Variants in PRKN observed in about 807,000 individuals in gnomAD.
PRKN encodes the protein E3 ubiquitin-protein ligase parkin.
In PRKN, 56 loss-of-function variants were observed where a neutral mutation model predicts 59.5. The observed-to-expected ratio is 0.94, with a 90% confidence interval of 0.76 to 1.18. The LOEUF (loss-of-function observed/expected upper bound fraction) is 1.18, where lower values mean the gene tolerates loss of function less well. Among genes scored for constraint, PRKN ranks in the 50% most tolerant of loss-of-function variants. The pLI is 0.00. For synonymous variants in PRKN, 250 were observed against 222.1 expected (o/e 1.13, Z -1.12); for missense variants, 657 against 596.4 (o/e 1.10, Z -1.06).
At chr6:162,286,463 T>G (rs377139302) in intron 2 of PRKN, among the ~76,000 whole-genome samples, 2 of 152,206 alleles carry the variant, frequency 1.3e-5, no homozygotes, top group Admixed American at 1.3e-4. Context: ...CAACTCATTT[T>G]CATACTTTTA....
intron 1 of PRKN, among the ~76,000 whole-genome samples, chr6:162,682,465 A>G (rs1341380584): frequency 1.3e-5 from 2 of 152,204 alleles, no homozygotes; most frequent in African/African-American, 4.8e-5. Context: ...ACATGCATGC[A>G]GCTGGAGGCC....
chr6:161,939,953 C>T (rs1167794366), intron 6 of PRKN, among the ~76,000 whole-genome samples: 12 of 151,332 alleles, frequency 7.9e-5, no homozygotes, highest in Admixed American at 6.6e-4. Context: ...GGCTGGAGTG[C>T]GATGGCGCCA....
intron 6 of PRKN, among the ~76,000 whole-genome samples, chr6:161,942,385 G>A (rs867936163): frequency 5.3e-5 from 8 of 152,082 alleles, no homozygotes; most frequent in Non-Finnish European, 7.4e-5. Flanking sequence ...ACAAAAATTA[G>A]CTGGGCGTGG....
chr6:161,381,006 C>T (rs1403018268), intron 10 of PRKN, among the ~76,000 whole-genome samples: 1 of 152,148 alleles, frequency 6.6e-6, no homozygotes, highest in African/African-American at 2.4e-5. Flanking sequence ...TGTCATTATG[C>T]TTGCAGGCTT....
chr6:161,759,897 G>A (rs1349474905), intron 7 of PRKN, among the ~76,000 whole-genome samples: 1 of 152,082 alleles, frequency 6.6e-6, no homozygotes, highest in Non-Finnish European at 1.5e-5. Flanking sequence ...CTGACATACT[G>A]ATAGCTCACT....
intron 7 of PRKN, among the ~76,000 whole-genome samples, chr6:161,596,173 G>A (rs940432069): frequency 2.6e-5 from 4 of 152,082 alleles, no homozygotes; most frequent in South Asian, 2.1e-4. Flanking sequence ...TTCTTGGCAC[G>A]TTCCCCTTGA....
intron 9 of PRKN, among the ~76,000 whole-genome samples, chr6:161,522,448 C>T (rs1011736133): frequency 6.6e-6 from 1 of 152,196 alleles, no homozygotes; most frequent in African/African-American, 2.4e-5. Flanking sequence ...CTCTGACTCC[C>T]TACTGAGGAA....
At chr6:161,759,447 T>A (rs1789096743) in intron 7 of PRKN, among the ~76,000 whole-genome samples, 1 of 152,150 alleles carries the variant, frequency 6.6e-6, no homozygotes, top group East Asian at 1.9e-4. Context: ...GAAAGACTAA[T>A]GGAACAATTA....
chr6:161,753,915 T>A (rs1290000455), intron 7 of PRKN, among the ~76,000 whole-genome samples: 1 of 151,978 alleles, frequency 6.6e-6, no homozygotes, highest in African/African-American at 2.4e-5. Flanking sequence ...GAGGAGAGGT[T>A]AGGAAAGGTC....
intron 2 of PRKN, among the ~76,000 whole-genome samples, chr6:162,324,055 A>T (rs145286170): frequency 3.1e-4 from 47 of 152,220 alleles, no homozygotes; most frequent in African/African-American, 1.1e-3. Context: ...ACAGGTGTGC[A>T]ACTTTCTAGT....
intron 2 of PRKN, among the ~76,000 whole-genome samples, chr6:162,361,742 T>G (rs755832050): frequency 1.3e-5 from 2 of 152,168 alleles, no homozygotes; most frequent in African/African-American, 2.4e-5. Flanking sequence ...CTGCTCAAAT[T>G]AAGTCTAAGT....
At chr6:162,267,885 C>G (rs1358043945) in intron 2 of PRKN, among the ~76,000 whole-genome samples, 1 of 152,022 alleles carries the variant, frequency 6.6e-6, no homozygotes, top group East Asian at 1.9e-4. Flanking sequence ...ATGTATTTTT[C>G]TTTTTCCAAA....
At chr6:162,652,295 T>C (rs930275658) in intron 1 of PRKN, among the ~76,000 whole-genome samples, 6 of 152,218 alleles carry the variant, frequency 3.9e-5, no homozygotes, top group African/African-American at 9.6e-5. Flanking sequence ...AGCTGACTGA[T>C]ATGTCATAGC....
intron 9 of PRKN, among the ~76,000 whole-genome samples, chr6:161,539,646 C>T (rs1452905633): frequency 6.6e-6 from 1 of 152,058 alleles, no homozygotes; most frequent in Non-Finnish European, 1.5e-5. Flanking sequence ...AAACTCAGTC[C>T]CTAAGTAACC....
Position 161,906,622 on chromosome 6 carries a change from T to C in PRKN, c.734+66680A>G, listed in dbSNP as rs143544829. On this transcript the variant is annotated intron_variant, in intron 6 of 11. Transcript: ENST00000366898. ...GGTGAGTTATACCCAAGTGTATTAGTCAGGGTTCTCAAGAGGGACAAATCT... is the reference window on the plus strand; with the variant it reads ...GGTGAGTTATACCCAAGTGTATTAGCCAGGGTTCTCAAGAGGGACAAATCT... 2.8e-5 allele frequency among the ~76,000 whole-genome samples: 4 copies of C among 144,240 alleles called. No homozygotes were observed. The East Asian group carries it at 7.9e-4, about 28-fold the overall frequency. The allele number at this position is 144,240 out of a possible 152,430, so 94.6% of individuals were successfully genotyped here.
At chr6:162,413,219 T>TA (rs1412632823) in intron 2 of PRKN, among the ~76,000 whole-genome samples, 2 of 152,194 alleles carry the variant, frequency 1.3e-5, no homozygotes, top group Non-Finnish European at 2.9e-5. Context: ...CTGTTTTTTT[T>TA]ATTGTTGTTT....
At chr6:161,368,030 G>C (rs1785279814) in intron 10 of PRKN, among the ~76,000 whole-genome samples, 2 of 152,058 alleles carry the variant, frequency 1.3e-5, no homozygotes, top group East Asian at 3.9e-4. Context: ...ATTTCTTCCT[G>C]TCATTATCAA....
chr6:162,269,153 T>G (rs1780262951), intron 2 of PRKN, among the ~76,000 whole-genome samples: 1 of 152,240 alleles, frequency 6.6e-6, no homozygotes, highest in Admixed American at 6.5e-5. Context: ...AGTCTGTACC[T>G]CTGGAGATCC....
chr6:162,617,808 T>G (rs1308547716), intron 1 of PRKN, among the ~76,000 whole-genome samples: 1 of 152,158 alleles, frequency 6.6e-6, no homozygotes, highest in Non-Finnish European at 1.5e-5. Flanking sequence ...TAGTAATAAC[T>G]AACAAGTAAT....
Sources: gnomAD v4.1 joint callset for allele counts (sites outside exome capture counted in the v4.1 genomes callset) on GRCh38, gnomAD v4.1.1 for gene constraint, MANE v1.5 for transcripts, NCBI Gene and HGNC (gene_info 2026-07-23, HGNC 2026-07-21) for gene names.